PAK1: variants seen among roughly 807,000 people sequenced by gnomAD.
The protein encoded by PAK1 is serine/threonine-protein kinase PAK 1.
A neutral mutation model predicts 67.4 loss-of-function variants in PAK1; 29 were observed. The ratio of observed to expected loss-of-function variants is 0.43; its 90% CI spans 0.32 to 0.59. The LOEUF (loss-of-function observed/expected upper bound fraction) is 0.59. Among genes scored for constraint, PAK1 ranks in the 20% least tolerant of loss-of-function variants. The pLI is 0.07. For synonymous variants in PAK1, 223 were observed against 237.4 expected, an observed-to-expected ratio of 0.94 and a Z score of 0.56; for missense variants, 337 against 670.7, an observed-to-expected ratio of 0.50 and a Z score of 5.50.
intron 1 of PAK1, among the ~76,000 whole-genome samples, chr11:77,410,940 G>A (rs111475149): frequency 2.6e-5 from 4 of 152,120 alleles, no homozygotes; most frequent in Non-Finnish European, 5.9e-5. Flanking sequence ...CTCCAGAGAA[G>A]AGAGTCTAGT....
intron 1 of PAK1, among the ~76,000 whole-genome samples, chr11:77,464,179 A>G (rs1957488388): frequency 6.6e-6 from 1 of 152,218 alleles, no homozygotes; most frequent in Non-Finnish European, 1.5e-5. Flanking sequence ...TAGCTACCAT[A>G]TTGAGCAGCA....
the PAK1 span, among the ~76,000 whole-genome samples, chr11:77,485,541 T>C: frequency 6.6e-6 from 1 of 152,154 alleles, no homozygotes; most frequent in African/African-American, 2.4e-5. Context: ...AATGGCGCAA[T>C]CTCAGCTCAC....
intron 1 of PAK1, among the ~76,000 whole-genome samples, chr11:77,451,858 C>T (rs1352628960): frequency 7.0e-6 from 1 of 142,736 alleles, no homozygotes; most frequent in Non-Finnish European, 1.5e-5. Context: ...CTCGGCCTCC[C>T]AAAGTGCTGG....
Position 77,325,241 on chromosome 11 carries a change from G to GA in PAK1, c.1552-1882dup, listed in dbSNP as rs1319894148. The GA allele has an allele frequency of 1.1e-5, 17 of 1,529,012 alleles. No homozygotes were observed. In the East Asian group the frequency reaches 3.8e-4, roughly 35 times the overall value. 94.7% of individuals were successfully genotyped at this position (1,529,012 alleles called of 1,614,324 possible). On this transcript the variant is annotated intron_variant, in intron 14 of 14. Transcript: ENST00000356341. Reference sequence around the variant, plus strand: ...ATGAGCCCTAAGGGCTTCCAGTTGTGATACTCTTTGAGCCTATTAAGAGCA... The same window carrying GA: ...ATGAGCCCTAAGGGCTTCCAGTTGTGAATACTCTTTGAGCCTATTAAGAGCA...
At chr11:77,378,673 C>T (rs1464177573) in intron 4 of PAK1, among the ~76,000 whole-genome samples, 2 of 152,088 alleles carry the variant, frequency 1.3e-5, no homozygotes, top group Non-Finnish European at 1.5e-5. Context: ...ACTGCAACTC[C>T]ACCTCCCAGG....
chr11:77,419,799 T>C (rs945388635), intron 1 of PAK1, among the ~76,000 whole-genome samples: 6 of 152,186 alleles, frequency 3.9e-5, no homozygotes, highest in Non-Finnish European at 8.8e-5. Context: ...TTTTTTCTTG[T>C]AGTAATTAGA....
At chr11:77,472,526 G>A (rs1363673163) in intron 1 of PAK1, among the ~76,000 whole-genome samples, 1 of 152,140 alleles carries the variant, frequency 6.6e-6, no homozygotes, top group African/African-American at 2.4e-5. Context: ...TGCCCGTTTT[G>A]GGGCATAAAA....
the PAK1 span, among the ~76,000 whole-genome samples, chr11:77,522,291 A>G: frequency 6.6e-6 from 1 of 152,190 alleles, no homozygotes; most frequent in Non-Finnish European, 1.5e-5. Flanking sequence ...GGAAAGTAAC[A>G]TTCTTTACTC....
chr11:77,323,449 T>C (rs1938856528), intron 14 of PAK1, 89 bp from the exon 15 acceptor site: 1 of 879,518 alleles, frequency 1.1e-6, no homozygotes, highest in Non-Finnish European at 1.9e-6. Flanking sequence ...TCTTTGTTTG[T>C]AAAGGGTGCT....
At chr11:77,435,486 T>C in intron 1 of PAK1, among the ~76,000 whole-genome samples, 1 of 146,636 alleles carries the variant, frequency 6.8e-6, no homozygotes, top group Admixed American at 6.7e-5. Flanking sequence ...CAGAGACACA[T>C]ATTTTCTCTT....
chr11:77,409,308 C>G (rs150289186), intron 1 of PAK1, among the ~76,000 whole-genome samples: 2 of 151,980 alleles, frequency 1.3e-5, no homozygotes, highest in African/African-American at 4.8e-5. Flanking sequence ...ATAACAGATG[C>G]TGGCAAGGAT....
intron 1 of PAK1, among the ~76,000 whole-genome samples, chr11:77,429,885 T>C (rs1955780280): frequency 2.0e-5 from 3 of 152,204 alleles, no homozygotes; most frequent in African/African-American, 7.2e-5. Context: ...TCTTATTATG[T>C]AGGAAATAAT....
chr11:77,392,259 T>C (rs947121886), intron 2 of PAK1, 72 bp downstream of exon 2: 1 of 1,040,556 alleles, frequency 9.6e-7, no homozygotes, highest in Non-Finnish European at 1.4e-6. Context: ...AGACAACAGA[T>C]CTTTTATCCA....
intron 9 of PAK1, among the ~76,000 whole-genome samples, chr11:77,345,729 C>G (rs1003620325): frequency 6.6e-6 from 1 of 152,224 alleles, no homozygotes; most frequent in Non-Finnish European, 1.5e-5. Context: ...CTGTCTATAA[C>G]AGCTGAGCAT....
chr11:77,377,358 A>G (rs1400826207), intron 4 of PAK1, among the ~76,000 whole-genome samples: 1 of 152,176 alleles, frequency 6.6e-6, no homozygotes, highest in Non-Finnish European at 1.5e-5. Context: ...TATGACACTT[A>G]AAAAAACCTA....
At chr11:77,431,857 A>G (rs1465848483) in intron 1 of PAK1, among the ~76,000 whole-genome samples, 2 of 152,220 alleles carry the variant, frequency 1.3e-5, no homozygotes, top group Non-Finnish European at 2.9e-5. Context: ...TGAAGTCACA[A>G]AAAGTAACAA....
chr11:77,505,270 C>T, the PAK1 span, among the ~76,000 whole-genome samples: 43 of 152,076 alleles, frequency 2.8e-4, no homozygotes, highest in Admixed American at 9.8e-4. Flanking sequence ...TCACTGCAGC[C>T]GCCACCTCCC....
intron 5 of PAK1, among the ~76,000 whole-genome samples, chr11:77,369,444 C>CTTTTTTTTTTTT (rs147630042): frequency 1.4e-4 from 12 of 86,738 alleles, no homozygotes; most frequent in East Asian, 3.3e-4. Flanking sequence ...TTATACATTT[C>CTTTTTTTTTTTT]TTTTTTTTTT....
chr11:77,416,160 G>C (rs1954940954), intron 1 of PAK1, among the ~76,000 whole-genome samples: 1 of 151,986 alleles, frequency 6.6e-6, no homozygotes, highest in South Asian at 2.1e-4. Flanking sequence ...CGTATTTTCA[G>C]TAGAGACGGA....
Sources: allele counts gnomAD v4.1 joint callset (sites outside exome capture counted in the v4.1 genomes callset), GRCh38; gene constraint gnomAD v4.1.1; transcripts MANE v1.5; gene names NCBI Gene and HGNC (gene_info 2026-07-23, HGNC 2026-07-21).